ENTREP2: variants seen among roughly 807,000 people sequenced by gnomAD.
ENTREP2 encodes the protein endosomal transmembrane epsin interactor 2, also known as protein ENTREP2.
chr15:29,120,576 A>C, the ENTREP2 span: 1 of 152,126 alleles, frequency 6.6e-6, no homozygotes, highest in Non-Finnish European at 1.5e-5. Flanking sequence ...TGTTCTCCCC[A>C]CTCAGCAACC....
chr15:29,487,670 GT>G, the ENTREP2 span, among the ~76,000 whole-genome samples: 1 of 152,186 alleles, frequency 6.6e-6, no homozygotes, highest in Non-Finnish European at 1.5e-5. Flanking sequence ...AGTTACCTCT[GT>G]TTAATATGCA....
At chr15:29,264,559 T>G in the ENTREP2 span, among the ~76,000 whole-genome samples, 934 of 152,244 alleles carry the variant, frequency 6.1e-3, 6 homozygotes, top group Non-Finnish European at 8.4e-3. Context: ...CAAAGATGCA[T>G]AATTCAAATC....
At chr15:29,248,634 CA>C in the ENTREP2 span, among the ~76,000 whole-genome samples, 1 of 152,032 alleles carries the variant, frequency 6.6e-6, no homozygotes, top group African/African-American at 2.4e-5. Context: ...TATGTATATG[CA>C]ATTATAAATG....
chr15:29,223,197 A>G, the ENTREP2 span, among the ~76,000 whole-genome samples: 1 of 152,178 alleles, frequency 6.6e-6, no homozygotes, highest in African/African-American at 2.4e-5. Flanking sequence ...ATTTGAGGGT[A>G]TAGTTGGGGA....
the ENTREP2 span, among the ~76,000 whole-genome samples, chr15:29,303,166 C>T: frequency 2.0e-5 from 3 of 152,218 alleles, no homozygotes; most frequent in Non-Finnish European, 4.4e-5. Context: ...TATGGGGCTG[C>T]TGGCACCTGC....
At chr15:29,562,233 G>C in the ENTREP2 span, among the ~76,000 whole-genome samples, 1 of 152,226 alleles carries the variant, frequency 6.6e-6, no homozygotes, top group East Asian at 1.9e-4. Flanking sequence ...GGCCAGAGAG[G>C]AAAAAGAAAC....
At chr15:29,569,536 C>G in the ENTREP2 span, 2 of 152,304 alleles carry the variant, frequency 1.3e-5, no homozygotes, top group African/African-American at 4.8e-5. Context: ...TATTTCAGCA[C>G]GATCCACCAA....
chr15:29,463,506 T>C, the ENTREP2 span, among the ~76,000 whole-genome samples: 1 of 145,172 alleles, frequency 6.9e-6, no homozygotes, highest in Non-Finnish European at 1.5e-5. Context: ...CTGTAAATTA[T>C]ACAGCAGCAA....
the ENTREP2 span, among the ~76,000 whole-genome samples, chr15:29,409,651 C>T: frequency 6.7e-6 from 1 of 149,484 alleles, no homozygotes; most frequent in Non-Finnish European, 1.5e-5. Flanking sequence ...TTTTTAAAGA[C>T]AGGGTCTCAC....
At chr15:29,659,547 C>T in the ENTREP2 span, among the ~76,000 whole-genome samples, 1 of 152,106 alleles carries the variant, frequency 6.6e-6, no homozygotes, top group East Asian at 1.9e-4. Flanking sequence ...TGAAACAGAA[C>T]AGACTGGAAC....
At chr15:29,362,833 A>G in the ENTREP2 span, among the ~76,000 whole-genome samples, 2 of 152,234 alleles carry the variant, frequency 1.3e-5, no homozygotes, top group African/African-American at 4.8e-5. Flanking sequence ...TTCAATAAAA[A>G]TTAGTATTTT....
the ENTREP2 span, among the ~76,000 whole-genome samples, chr15:29,349,085 C>T: frequency 1.3e-5 from 2 of 152,218 alleles, no homozygotes; most frequent in African/African-American, 2.4e-5. Flanking sequence ...GCCGCCTCTA[C>T]GGCGGTGTCT....
the ENTREP2 span, among the ~76,000 whole-genome samples, chr15:29,649,056 G>GTA: frequency 6.4e-5 from 8 of 124,568 alleles, no homozygotes; most frequent in East Asian, 2.5e-4. Flanking sequence ...AGGGACACAT[G>GTA]TACACACACA....
At chr15:29,633,393 A>G in the ENTREP2 span, among the ~76,000 whole-genome samples, 36 of 152,208 alleles carry the variant, frequency 2.4e-4, no homozygotes, top group African/African-American at 8.2e-4. Flanking sequence ...TATAAGATGT[A>G]TTTTATGTCA....
the ENTREP2 span, among the ~76,000 whole-genome samples, chr15:29,366,721 C>A: frequency 3.2e-4 from 49 of 152,254 alleles, no homozygotes; most frequent in East Asian, 4.8e-3. Flanking sequence ...TGAGATTCAC[C>A]CACATTACAT....
the ENTREP2 span, among the ~76,000 whole-genome samples, chr15:29,185,189 C>T: frequency 3.8e-4 from 57 of 151,460 alleles, no homozygotes; most frequent in African/African-American, 1.3e-3. Flanking sequence ...CTTGAACTCC[C>T]GACCTCAGAA....
the ENTREP2 span, among the ~76,000 whole-genome samples, chr15:29,381,212 T>C: frequency 6.8e-6 from 1 of 147,008 alleles, no homozygotes; most frequent in Non-Finnish European, 1.5e-5. Context: ...ATCCCAGCAC[T>C]TTGGGAGGCC....
chr15:29,400,008 G>A, the ENTREP2 span, among the ~76,000 whole-genome samples: 11 of 152,086 alleles, frequency 7.2e-5, no homozygotes, highest in African/African-American at 2.4e-4. Flanking sequence ...CTGTTTAAAC[G>A]CATGTTGTTC....
At chr15:29,405,797 C>T in the ENTREP2 span, among the ~76,000 whole-genome samples, 1 of 152,234 alleles carries the variant, frequency 6.6e-6, no homozygotes, top group Admixed American at 6.5e-5. Flanking sequence ...ACAAGGTTGG[C>T]CAGCGCCCAC....
Sources: allele counts gnomAD v4.1 joint callset (sites outside exome capture counted in the v4.1 genomes callset), GRCh38; gene constraint gnomAD v4.1.1; transcripts MANE v1.5; gene names NCBI Gene and HGNC (gene_info 2026-07-23, HGNC 2026-07-21).